The following CPNE8 variants were observed in gnomAD, a reference collection of about 807,000 sequenced individuals.
The protein encoded by CPNE8 is copine-8.
Under a neutral mutation model 81.5 loss-of-function variants are expected in CPNE8, and 45 were observed. The observed-to-expected ratio is 0.55, with a 90% CI of 0.44 to 0.71. The LOEUF is 0.71. CPNE8 is among the 30% of genes least tolerant of loss of function. The pLI, the probability that CPNE8 is intolerant of heterozygous loss-of-function variation, is 0.00. For synonymous variants in CPNE8, 252 were observed against 226.3 expected, an observed-to-expected ratio of 1.11 and a Z score of -1.02; for missense variants, 594 against 672.1, an observed-to-expected ratio of 0.88 and a Z score of 1.28.
intron 12 of CPNE8, 117 bp downstream of exon 12, chr12:38,724,729 C>G (rs1940652776): frequency 1.5e-6 from 1 of 664,884 alleles, no homozygotes; most frequent in South Asian, 2.1e-5. Flanking sequence ...TATTAAAACC[C>G]TGAGTGAAAC....
intron 12 of CPNE8, 24 bp downstream of exon 12, chr12:38,724,822 T>C (rs767241770): frequency 7.3e-7 from 1 of 1,362,350 alleles, no homozygotes; most frequent in Non-Finnish European, 1.0e-6. Flanking sequence ...TAATCTTTAA[T>C]AAATAACATA....
rs1183045799 is a variant in CPNE8, at chr12:38,902,296, A to AAAGGAAGGAAGG, written c.98+3129_98+3140dup. Reference sequence around the variant, plus strand: ...AAAGAAAAGAAAGAAGGAAGGAAGGAAAGGAAGGAAGGAAGGAAGGAAAGA... The same window carrying AAAGGAAGGAAGG: ...AAAGAAAAGAAAGAAGGAAGGAAGGAAAGGAAGGAAGGAAGGAAGGAAGGAAGGAAGGAAAGA... On this transcript the variant is annotated intron_variant, in intron 1 of 19. Transcript: ENST00000331366. Among the ~76,000 whole-genome samples the AAAGGAAGGAAGG allele has an allele frequency of 4.0e-3, 226 of 56,142 alleles. 32 individuals are homozygous for AAAGGAAGGAAGG. Among genetic ancestry groups the AAAGGAAGGAAGG allele is most frequent in the African/African-American group, 0.02 (191 of 9,546 alleles). The allele number at this position is 56,142 out of a possible 152,430, so 36.8% of individuals were successfully genotyped here. A position where few individuals can be genotyped will look rare whatever the true frequency, so the allele number is the denominator to read the frequency against.
chr12:38,799,318 T>G (rs1448055841), intron 6 of CPNE8, among the ~76,000 whole-genome samples: 1 of 151,970 alleles, frequency 6.6e-6, no homozygotes. Context: ...TCAGCAAATG[T>G]AACACAACAG....
chr12:38,743,674 ACAGTTGAACTC>A (rs1759433230), intron 10 of CPNE8, among the ~76,000 whole-genome samples: 1 of 152,144 alleles, frequency 6.6e-6, no homozygotes, highest in African/African-American at 2.4e-5. Flanking sequence ...TAAGAATGTC[ACAGTTGAACTC>A]CAGAGACTAA....
intron 19 of CPNE8, among the ~76,000 whole-genome samples, chr12:38,666,727 C>T (rs1023224434): frequency 4.6e-5 from 7 of 152,074 alleles, no homozygotes; most frequent in Non-Finnish European, 7.4e-5. Flanking sequence ...AGTCAGGTCA[C>T]GGAGAATCTT....
chr12:38,752,826 TG>T (rs1941380299), intron 10 of CPNE8, among the ~76,000 whole-genome samples: 2 of 152,170 alleles, frequency 1.3e-5, no homozygotes, highest in East Asian at 3.8e-4. Flanking sequence ...AATAGTAAGG[TG>T]GTTAAAAATA....
chr12:38,682,235 CT>C (rs139195859), intron 16 of CPNE8, among the ~76,000 whole-genome samples: 2,998 of 151,978 alleles, frequency 0.02, 96 homozygotes, highest in African/African-American at 0.067. Flanking sequence ...CAAAAAGGTT[CT>C]TTAGTTTCCT....
chr12:38,738,957 G>A (rs574801481), intron 10 of CPNE8, among the ~76,000 whole-genome samples: 1 of 151,914 alleles, frequency 6.6e-6, no homozygotes, highest in East Asian at 1.9e-4. Flanking sequence ...GGGACCACAA[G>A]TGCATACCAC....
intron 3 of CPNE8, among the ~76,000 whole-genome samples, chr12:38,853,035 A>G (rs1943671568): frequency 6.6e-6 from 1 of 152,202 alleles, no homozygotes; most frequent in Admixed American, 6.5e-5. Flanking sequence ...TCACTCTATT[A>G]TAAAAAGTGA....
chr12:38,822,978 G>A (rs1177107937), intron 6 of CPNE8, among the ~76,000 whole-genome samples: 1 of 151,186 alleles, frequency 6.6e-6, no homozygotes, highest in Non-Finnish European at 1.5e-5. Context: ...GCAAAAAGCT[G>A]CATGCTAAAA....
chr12:38,790,021 C>G (rs533354798), intron 6 of CPNE8, among the ~76,000 whole-genome samples: 2 of 151,648 alleles, frequency 1.3e-5, no homozygotes, highest in Non-Finnish European at 3.0e-5. Context: ...ACAATCACTA[C>G]GGAGAACACT....
intron 4 of CPNE8, 54 bp from the exon 5 acceptor site, chr12:38,840,009 A>C: frequency 6.7e-7 from 1 of 1,483,626 alleles, no homozygotes; most frequent in East Asian, 2.3e-5. Flanking sequence ...CAGCTAGAAA[A>C]AAAACCAGTA....
intron 12 of CPNE8, 54 bp from the exon 13 acceptor site, chr12:38,723,887 C>A: frequency 2.1e-6 from 2 of 960,788 alleles, no homozygotes; most frequent in Non-Finnish European, 3.3e-6. Flanking sequence ...CCCAAATAGA[C>A]CTTTCTAATT....
chr12:38,780,826 G>T (rs1048283126), intron 6 of CPNE8, among the ~76,000 whole-genome samples: 3 of 152,062 alleles, frequency 2.0e-5, no homozygotes, highest in African/African-American at 7.2e-5. Flanking sequence ...TTATATTCAA[G>T]AATCTTTGCT....
At chr12:38,852,288 G>A (rs1943658272) in intron 3 of CPNE8, among the ~76,000 whole-genome samples, 1 of 151,976 alleles carries the variant, frequency 6.6e-6, no homozygotes, top group South Asian at 2.1e-4. Context: ...AATTAGCCAG[G>A]CGTGGTGGCA....
rs188727845 is a variant in CPNE8, at chr12:38,660,244, A to T, written c.1507-6174T>A. Reference sequence around the variant, plus strand: ...ACAAGGCTACAGTAACCAAAACAGCATGGTACTGGTACCAAAACACAGATA... The same window carrying T: ...ACAAGGCTACAGTAACCAAAACAGCTTGGTACTGGTACCAAAACACAGATA... On this transcript the variant is annotated intron_variant, in intron 19 of 19. Coordinates refer to ENST00000331366, the MANE Select transcript of CPNE8 (RefSeq NM_153634.3). 2.2e-3 allele frequency among the ~76,000 whole-genome samples: 336 copies of T among 152,346 alleles called. 3 individuals carry two copies. Among genetic ancestry groups the T allele is most frequent in the Non-Finnish European group, 4.1e-3 (278 of 68,028 alleles).
intron 6 of CPNE8, among the ~76,000 whole-genome samples, chr12:38,791,553 T>G (rs1942324349): frequency 6.6e-6 from 1 of 151,650 alleles, no homozygotes; most frequent in Non-Finnish European, 1.5e-5. Flanking sequence ...AGTTTATTAT[T>G]TAGAATGTGT....
chr12:38,889,247 A>T (rs937093673), intron 1 of CPNE8, among the ~76,000 whole-genome samples: 25 of 152,222 alleles, frequency 1.6e-4, no homozygotes, highest in African/African-American at 4.6e-4. Context: ...TGAAATGTGG[A>T]ATATGTATAA....
At chr12:38,835,155 G>A (rs1943359667) in intron 5 of CPNE8, among the ~76,000 whole-genome samples, 2 of 152,092 alleles carry the variant, frequency 1.3e-5, no homozygotes, top group Admixed American at 1.3e-4. Flanking sequence ...AAAGTGCTGG[G>A]ATTACAAGCA....
Sources: gnomAD v4.1 joint callset for allele counts (sites outside exome capture counted in the v4.1 genomes callset) on GRCh38, gnomAD v4.1.1 for gene constraint, MANE v1.5 for transcripts, NCBI Gene and HGNC (gene_info 2026-07-23, HGNC 2026-07-21) for gene names.